Variants in WDPCP observed in about 807,000 individuals in gnomAD.
WDPCP encodes the protein WD repeat containing planar cell polarity effector.
Under a neutral mutation model 93.1 loss-of-function variants are expected in WDPCP, and 71 were observed. The ratio of observed to expected loss-of-function variants is 0.76; its 90% CI spans 0.63 to 0.93. The LOEUF is 0.93. Among genes scored for constraint, WDPCP ranks in the 40% least tolerant of loss-of-function variants. The pLI, the probability that WDPCP is intolerant of heterozygous loss-of-function variation, is 0.00. For synonymous variants in WDPCP, 315 were observed against 315.0 expected (o/e 1.00, Z 0.00); for missense variants, 844 against 887.4 (o/e 0.95, Z 0.62).
intron 2 of WDPCP, among the ~76,000 whole-genome samples, chr2:63,808,901 G>A (rs962527876): frequency 5.3e-5 from 8 of 151,694 alleles, no homozygotes; most frequent in Admixed American, 1.3e-4. Context: ...AATGAGGAGC[G>A]CCTCTTCCCG....
chr2:63,209,216 A>G (rs141201429), intron 14 of WDPCP, among the ~76,000 whole-genome samples: 3 of 152,360 alleles, frequency 2.0e-5, no homozygotes, highest in African/African-American at 7.2e-5. Context: ...ATAACACTTT[A>G]TTCCATAAAA....
Position 63,439,745 on chromosome 2 carries a change from G to A in WDPCP, c.499+12C>T. 1 of 1,606,932 alleles carries A rather than the reference G, an allele frequency of 6.2e-7. No individual in the cohort carries two copies. Among genetic ancestry groups the A allele is most frequent in the Non-Finnish European group, 8.5e-7 (1 of 1,173,798 alleles). ...TAATGTAGGCAATTGATTTGCACATGGGGGTAATTACCATCACTGATGGTG... is the reference window on the plus strand; with the variant it reads ...TAATGTAGGCAATTGATTTGCACATAGGGGTAATTACCATCACTGATGGTG... On this transcript the variant is annotated intron_variant, in intron 7 of 17. Coordinates refer to ENST00000272321, the MANE Select transcript of WDPCP (RefSeq NM_015910.7).
intron 3 of WDPCP, among the ~76,000 whole-genome samples, chr2:63,644,218 T>A: frequency 6.6e-6 from 1 of 151,470 alleles, no homozygotes; most frequent in Non-Finnish European, 1.5e-5. Flanking sequence ...ACAGAATGAA[T>A]GTGCAAGTAT....
At chr2:63,545,829 C>T (rs1421880559) in intron 1 of WDPCP, among the ~76,000 whole-genome samples, 2 of 149,870 alleles carry the variant, frequency 1.3e-5, no homozygotes, top group African/African-American at 2.5e-5. Flanking sequence ...CAGCCCCTCT[C>T]GTTTCTTCTG....
intron 3 of WDPCP, among the ~76,000 whole-genome samples, chr2:63,634,898 A>G (rs1709905358): frequency 6.6e-6 from 1 of 152,122 alleles, no homozygotes; most frequent in African/African-American, 2.4e-5. Flanking sequence ...AAATAAGTGA[A>G]ATAGAGAGTA....
intron 6 of WDPCP, among the ~76,000 whole-genome samples, chr2:63,461,117 T>C (rs1698979048): frequency 6.6e-6 from 1 of 152,122 alleles, no homozygotes; most frequent in African/African-American, 2.4e-5. Flanking sequence ...GAATGGTGCA[T>C]GCAAAGGCCA....
At chr2:63,567,735 A>C (rs562111870) in intron 1 of WDPCP, among the ~76,000 whole-genome samples, 2 of 151,914 alleles carry the variant, frequency 1.3e-5, no homozygotes, top group African/African-American at 4.8e-5. Context: ...TTGAAATTCG[A>C]TATTTGTGTA....
intron 14 of WDPCP, among the ~76,000 whole-genome samples, chr2:63,189,298 G>T (rs997035394): frequency 3.3e-5 from 5 of 152,142 alleles, no homozygotes; most frequent in African/African-American, 1.2e-4. Context: ...CTGGACTTAA[G>T]TTTCACTCTA....
chr2:63,400,378 G>C (rs1191290941), intron 10 of WDPCP, among the ~76,000 whole-genome samples: 1 of 152,158 alleles, frequency 6.6e-6, no homozygotes, highest in African/African-American at 2.4e-5. Flanking sequence ...AATAGGCAAA[G>C]ATTTCATGAC....
intron 14 of WDPCP, among the ~76,000 whole-genome samples, chr2:63,176,231 T>C (rs1001528870): frequency 1.3e-5 from 2 of 152,156 alleles, no homozygotes; most frequent in Non-Finnish European, 2.9e-5. Context: ...ACTGAAGAAA[T>C]GTGGATTCAA....
At chr2:63,686,325 A>G (rs571681698) in intron 2 of WDPCP, among the ~76,000 whole-genome samples, 37 of 152,250 alleles carry the variant, frequency 2.4e-4, no homozygotes, top group Admixed American at 1.6e-3. Context: ...AAAGAAATCA[A>G]GAGAGTAAAC....
chr2:63,350,592 C>CCTGGAAGT (rs1689529483), intron 12 of WDPCP, among the ~76,000 whole-genome samples: 1 of 152,080 alleles, frequency 6.6e-6, no homozygotes, highest in Non-Finnish European at 1.5e-5. Flanking sequence ...AAGGCTTACA[C>CCTGGAAGT]TGTGAGCTAC....
chr2:63,299,264 A>C (rs1685139108), intron 13 of WDPCP, among the ~76,000 whole-genome samples: 1 of 152,226 alleles, frequency 6.6e-6, no homozygotes, highest in Non-Finnish European at 1.5e-5. Flanking sequence ...AGCTGCCTAC[A>C]GCTCAGCCCA....
At chr2:63,356,783 A>G (rs1690046069) in intron 12 of WDPCP, among the ~76,000 whole-genome samples, 1 of 152,188 alleles carries the variant, frequency 6.6e-6, no homozygotes, top group Admixed American at 6.5e-5. Flanking sequence ...CAGTGTTAGG[A>G]AGGAATTTCA....
chr2:63,278,217 G>A (rs1683227300), intron 13 of WDPCP, among the ~76,000 whole-genome samples: 1 of 152,064 alleles, frequency 6.6e-6, no homozygotes, highest in South Asian at 2.1e-4. Context: ...AACTGAATGA[G>A]AATAGTAACA....
chr2:63,646,195 T>C (rs1416978640), intron 3 of WDPCP, among the ~76,000 whole-genome samples: 1 of 152,144 alleles, frequency 6.6e-6, no homozygotes, highest in Non-Finnish European at 1.5e-5. Flanking sequence ...GAGGTTACCA[T>C]GAAGTTTGCA....
intron 12 of WDPCP, among the ~76,000 whole-genome samples, chr2:63,332,098 G>A (rs773820150): frequency 1.3e-5 from 2 of 150,622 alleles, no homozygotes; most frequent in Non-Finnish European, 3.0e-5. Flanking sequence ...ATATATGTGT[G>A]TGTGTGTGTA....
chr2:63,793,782 T>C (rs868515097), intron 2 of WDPCP, among the ~76,000 whole-genome samples: 2 of 146,634 alleles, frequency 1.4e-5, no homozygotes, highest in African/African-American at 2.4e-5. Context: ...TAAACCTATG[T>C]CTACACTGAA....
At chr2:63,621,106 C>G (rs899141981) in intron 3 of WDPCP, among the ~76,000 whole-genome samples, 3 of 152,032 alleles carry the variant, frequency 2.0e-5, no homozygotes, top group African/African-American at 7.2e-5. Context: ...CCAGAACACC[C>G]CTTTTCTTCC....
Sources: allele counts gnomAD v4.1 joint callset (sites outside exome capture counted in the v4.1 genomes callset), GRCh38; gene constraint gnomAD v4.1.1; transcripts MANE v1.5; gene names NCBI Gene and HGNC (gene_info 2026-07-23, HGNC 2026-07-21).